Variants in LHFPL2 observed in about 807,000 individuals in gnomAD.
LHFPL2 encodes the protein LHFPL tetraspan subfamily member 2 protein.
A neutral mutation model predicts 17.5 loss-of-function variants in LHFPL2; 7 were observed. The observed-to-expected ratio is 0.40, with a 90% CI of 0.23 to 0.75. The LOEUF is 0.75. LHFPL2 is among the 30% of genes least tolerant of loss of function. LHFPL2 has a pLI of 0.37. For synonymous variants in LHFPL2, 134 were observed against 116.2 expected (o/e 1.15, Z -0.99); for missense variants, 241 against 294.8 (o/e 0.82, Z 1.34).
intron 3 of LHFPL2, among the ~76,000 whole-genome samples, chr5:78,532,875 A>G (rs551960191): frequency 1.3e-4 from 20 of 152,312 alleles, no homozygotes; most frequent in African/African-American, 4.6e-4. Context: ...CAGGGATTAG[A>G]AATGTTTTCC....
chr5:78,609,264 A>G (rs1744328640), intron 2 of LHFPL2, among the ~76,000 whole-genome samples: 1 of 151,960 alleles, frequency 6.6e-6, no homozygotes. Flanking sequence ...CAGCCTGCCC[A>G]ACATGGTGAA....
intron 2 of LHFPL2, among the ~76,000 whole-genome samples, chr5:78,601,569 A>G (rs1744016098): frequency 6.6e-6 from 1 of 152,200 alleles, no homozygotes; most frequent in Admixed American, 6.5e-5. Flanking sequence ...AAGACTATAA[A>G]CCATGTCTGT....
intron 3 of LHFPL2, among the ~76,000 whole-genome samples, chr5:78,547,437 C>T (rs868789690): frequency 4.6e-5 from 7 of 152,198 alleles, no homozygotes; most frequent in African/African-American, 1.7e-4. Context: ...GCACACATGA[C>T]GTCTGATATC....
intron 2 of LHFPL2, among the ~76,000 whole-genome samples, chr5:78,602,126 G>A (rs1169079271): frequency 6.6e-6 from 1 of 151,894 alleles, no homozygotes; most frequent in Non-Finnish European, 1.5e-5. Context: ...ATACTTATCT[G>A]ATGTATACTC....
intron 3 of LHFPL2, among the ~76,000 whole-genome samples, chr5:78,535,555 G>T (rs900849530): frequency 7.2e-5 from 11 of 152,134 alleles, no homozygotes; most frequent in Non-Finnish European, 1.6e-4. Context: ...GGCCAGGAGA[G>T]AGAAGGCCCC....
chr5:78,503,718 C>CAA (rs1754846014), intron 4 of LHFPL2, among the ~76,000 whole-genome samples: 1 of 137,138 alleles, frequency 7.3e-6, no homozygotes, highest in African/African-American at 2.5e-5. Context: ...CAAACAAACA[C>CAA]AGGTCCCCAT....
rs532734582 is a variant in LHFPL2 at position 78,605,564 on chromosome 5, G to A, written c.-245+26700C>T. Among the ~76,000 whole-genome samples the A allele has an allele frequency of 2.0e-5, 3 of 152,232 alleles. No individual in the cohort carries two copies. In the South Asian group the frequency reaches 6.2e-4, roughly 32 times the overall value. On this transcript the variant is annotated intron_variant, in intron 2 of 4. Transcript: ENST00000380345. ...GTTACCACCTTGAACTGGATAGAAT[G>A]TACACAGGTCACCTTACAACATAGG... is the stretch of plus-strand genomic sequence containing the variant.
chr5:78,571,060 T>C (rs1756986978), intron 2 of LHFPL2, among the ~76,000 whole-genome samples: 1 of 152,098 alleles, frequency 6.6e-6, no homozygotes, highest in African/African-American at 2.4e-5. Flanking sequence ...AAAGAGAAGG[T>C]GGAAAAGCCT....
chr5:78,527,309 G>C (rs1190427839), intron 3 of LHFPL2, among the ~76,000 whole-genome samples: 1 of 150,132 alleles, frequency 6.7e-6, no homozygotes, highest in African/African-American at 2.4e-5. Flanking sequence ...CTGGAAATCA[G>C]GAAGCAAGAC....
intron 3 of LHFPL2, among the ~76,000 whole-genome samples, chr5:78,537,243 A>G (rs1459967558): frequency 6.6e-6 from 1 of 152,176 alleles, no homozygotes; most frequent in Non-Finnish European, 1.5e-5. Context: ...CAGCTGCCAT[A>G]GCAACATCAC....
intron 3 of LHFPL2, among the ~76,000 whole-genome samples, chr5:78,526,941 A>G (rs180981075): frequency 2.8e-4 from 42 of 152,344 alleles, no homozygotes; most frequent in Admixed American, 2.6e-3. Context: ...AAACTATTTG[A>G]TGCCAATGTG....
chr5:78,527,685 GA>G (rs923523163), intron 3 of LHFPL2, among the ~76,000 whole-genome samples: 9 of 146,026 alleles, frequency 6.2e-5, no homozygotes, highest in African/African-American at 1.3e-4. Context: ...ACTTCACAAA[GA>G]AAAAAAAAAG....
At chr5:78,510,474 A>T (rs982661011) in intron 3 of LHFPL2, 76 bp from the exon 4 acceptor site, 1 of 467,104 alleles carries the variant, frequency 2.1e-6, no homozygotes, top group Non-Finnish European at 3.8e-6. Context: ...ACACCGTCCA[A>T]GTCCGGCCCG....
chr5:78,496,732 A>G (rs1265607878), intron 4 of LHFPL2, among the ~76,000 whole-genome samples: 1 of 151,682 alleles, frequency 6.6e-6, no homozygotes, highest in Non-Finnish European at 1.5e-5. Context: ...CTGACAGGAC[A>G]GTTATTCTCA....
chr5:78,509,932 G>A lies in LHFPL2; in HGVS notation c.282C>T (p.Ser94=). 1 of 1,613,692 alleles carries A rather than the reference G, an allele frequency of 6.2e-7. No homozygotes were observed. The highest frequency in any genetic ancestry group is 8.5e-7 in the Non-Finnish European group (1 of 1,180,034). The change falls in exon 4 of 5, where the codon AGC becomes AGT. Residue 94 remains serine, a synonymous_variant. Transcript: ENST00000380345. ...AAATAGCTGTGGCCTGCCAGAAGCC[G>A]CTGGCGATCTCGCCGAAGCTCTCGG... ...PYAESFGEIA[S]GFWQATAIFL... is the part of the protein sequence containing the mutation.
In LHFPL2 at chr5:78,536,617, C is replaced by T. The variant is rs555384041; in HGVS notation, c.-185-26219G>A. Among the ~76,000 whole-genome samples the T allele has an allele frequency of 3.3e-5, 5 of 152,324 alleles. No homozygotes were observed. The East Asian group carries it at 7.7e-4, about 23-fold the overall frequency. ...GCCATTCTTCTGCCCTTAGAATTCT[C>T]GTAAAGCCTATTCCATTATTTTAGG... On this transcript the variant is annotated intron_variant, in intron 3 of 4. Transcript: ENST00000380345.
chr5:78,498,077 C>T (rs574033056), intron 4 of LHFPL2, among the ~76,000 whole-genome samples: 4 of 152,176 alleles, frequency 2.6e-5, no homozygotes, highest in East Asian at 1.9e-4. Context: ...ACAAAGGATA[C>T]GTGGGGGAAT....
chr5:78,489,093 A>T lies in LHFPL2; in HGVS notation c.491T>A (p.Ile164Lys). ...AGATGCATAATGTCCACAGTAGTCT[A>T]TGGCCTTCTGGCAACCCCAGCCAGC... ...YPAGWGCQKA[I>K]DYCGHYASAY... The change falls in exon 5 of 5, where the codon ATA (isoleucine) becomes AAA (lysine). Residue 164 changes from isoleucine to lysine, a missense_variant. Transcript: ENST00000380345. 6.2e-7 allele frequency: 1 copy of T among 1,614,228 alleles called. No individual in the cohort carries two copies. The highest frequency in any genetic ancestry group is 8.5e-7 in the Non-Finnish European group (1 of 1,180,022).
intron 2 of LHFPL2, among the ~76,000 whole-genome samples, chr5:78,621,316 C>G (rs1160574399): frequency 2.0e-5 from 3 of 152,090 alleles, no homozygotes; most frequent in Non-Finnish European, 4.4e-5. Context: ...TGTCGTCTGG[C>G]AGAGGGAGAA....
Sources: allele counts gnomAD v4.1 joint callset (sites outside exome capture counted in the v4.1 genomes callset), GRCh38; gene constraint gnomAD v4.1.1; transcripts MANE v1.5; gene names NCBI Gene and HGNC (gene_info 2026-07-23, HGNC 2026-07-21).